Variants in COL16A1 observed in about 807,000 individuals in gnomAD.
The protein encoded by COL16A1 is collagen alpha-1(XVI) chain.
Under a neutral mutation model 266.3 loss-of-function variants are expected in COL16A1, and 189 were observed. The observed-to-expected ratio is 0.71, with a 90% confidence interval of 0.63 to 0.80. COL16A1 has a LOEUF of 0.80. Among genes scored for constraint, COL16A1 ranks in the 30% least tolerant of loss-of-function variants. The pLI, the probability that COL16A1 is intolerant of heterozygous loss-of-function variation, is 0.00. For synonymous variants in COL16A1, 740 were observed against 782.3 expected (o/e 0.95, Z 0.90); for missense variants, 1,928 against 2,122.4 (o/e 0.91, Z 1.80).
intron 52 of COL16A1, among the ~76,000 whole-genome samples, chr1:31,667,326 G>A (rs1196528861): frequency 6.6e-6 from 1 of 152,210 alleles, no homozygotes; most frequent in Non-Finnish European, 1.5e-5. Flanking sequence ...TATAATCCCA[G>A]GTCCTCCTTT....
At chr1:31,661,861 A>G in intron 58 of COL16A1, 157 bp from the exon 59 acceptor site, 1 of 764,496 alleles carries the variant, frequency 1.3e-6, no homozygotes, top group South Asian at 1.9e-5. Context: ...GTGGATCCTC[A>G]GTGACTTCCA....
Position 31,685,521 on chromosome 1 carries a change from ACCCTC to A in COL16A1, c.2016+113_2016+117del. 3.6e-6 allele frequency: 4 copies of A among 1,100,532 alleles called. No homozygotes were observed. Among genetic ancestry groups the A allele is most frequent in the Non-Finnish European group, 5.2e-6 (4 of 764,398 alleles). The allele number at this position is 1,100,532 out of a possible 1,614,324, so 68.2% of individuals were successfully genotyped here. ...GAGACAGAGGCTCTGACCCCGCCACACCCTCCCCACTACCCCCAACTGCCCAGGGA... is the reference window on the plus strand; with the variant it reads ...GAGACAGAGGCTCTGACCCCGCCACACCCACTACCCCCAACTGCCCAGGGA... On this transcript the variant is annotated intron_variant, in intron 29 of 70. Coordinates refer to ENST00000373672, the MANE Select transcript of COL16A1 (RefSeq NM_001856.4). The surrounding 1 kb of genome is among the most constrained non-coding windows in gnomAD (Gnocchi z 4.0).
intron 55 of COL16A1, 104 bp downstream of exon 55, chr1:31,665,479 C>T: frequency 1.3e-6 from 2 of 1,599,964 alleles, no homozygotes; most frequent in African/African-American, 1.3e-5. Context: ...CTGCCTCTCC[C>T]CTCTTCTCCC....
At position 31,688,861 on chromosome 1, in the gene COL16A1, C is replaced by A. The variant is rs762724899; in HGVS notation, c.1767G>T (p.Pro589=). 6.2e-7 allele frequency: 1 copy of A among 1,612,792 alleles called. No individual in the cohort carries two copies. The part of the protein sequence containing the change: ...GSPGFGLPGL[P]GRAGVPGLKG... ...GGGCTGGGAGAAAGTCGTCACTCAC[C>A]GGAAGGCCAGGCAGACCAAAGCCAG... Residue 589 remains proline (P), a splice_region_variant and synonymous_variant, in exon 25 of 71, where the codon CCG becomes CCT. Coordinates refer to ENST00000373672, the MANE Select transcript of COL16A1 (RefSeq NM_001856.4). This position sits in a 1 kb window ranked among gnomAD's most constrained non-coding sequence, Gnocchi z 4.9.
intron 39 of COL16A1, 140 bp downstream of exon 39, chr1:31,680,765 G>A: frequency 6.5e-7 from 1 of 1,530,568 alleles, no homozygotes; most frequent in Admixed American, 1.8e-5. Flanking sequence ...GTCCAAGGCA[G>A]CTTCATGTGC....
chr1:31,701,924 AGG>A (rs1188175039), intron 2 of COL16A1, among the ~76,000 whole-genome samples, 195 bp downstream of exon 2: 1 of 152,112 alleles, frequency 6.6e-6, no homozygotes, highest in Non-Finnish European at 1.5e-5. Context: ...ACGAAGACAC[AGG>A]CACACACACT....
chr1:31,701,329 C>T lies in COL16A1; in HGVS notation c.73+792G>A, dbSNP rs113975280. On this transcript the variant is annotated intron_variant, in intron 2 of 70. Coordinates refer to ENST00000373672, the MANE Select transcript of COL16A1 (RefSeq NM_001856.4). ...GTGAGGGAGAGGAGAGCAAAGCTCACGCACACACAAGCAGAAACACATATG... is the reference window on the plus strand; with the variant it reads ...GTGAGGGAGAGGAGAGCAAAGCTCATGCACACACAAGCAGAAACACATATG... The T allele has an allele frequency of 1.1e-3, 1,089 of 985,396 alleles. 10 individuals are homozygous for T. The African/African-American group carries it at 0.017, about 16-fold the overall frequency. 61.0% of individuals were successfully genotyped at this position (985,396 alleles called of 1,614,324 possible). A position where few individuals can be genotyped will look rare whatever the true frequency, so the allele number is the denominator to read the frequency against.
rs367557549 is a variant in COL16A1 at position 31,699,765 on chromosome 1, G to A, written c.266+48C>T. ...CCCACATCTGGAGTTGCTGAGGAGT[G>A]TGGCTGAGGTCAGTGTTGATTCTCA... On this transcript the variant is annotated intron_variant, in intron 4 of 70. Transcript: ENST00000373672. 5.6e-5 allele frequency: 67 copies of A among 1,205,626 alleles called. No homozygotes were observed. In the African/African-American group the frequency reaches 8.0e-4, roughly 14 times the overall value. The allele number at this position is 1,205,626 out of a possible 1,614,324, so 74.7% of individuals were successfully genotyped here. A position where few individuals can be genotyped will look rare whatever the true frequency, so the allele number is the denominator to read the frequency against.
chr1:31,688,717 G>A lies in COL16A1; in HGVS notation c.1767+144C>T. The A allele has an allele frequency of 9.3e-7, 1 of 1,070,832 alleles. No individual in the cohort carries two copies. The highest frequency in any genetic ancestry group is 2.1e-4 in the Middle Eastern group (1 of 4,816). 66.3% of individuals were successfully genotyped at this position (1,070,832 alleles called of 1,614,324 possible). A position where few individuals can be genotyped will look rare whatever the true frequency, so the allele number is the denominator to read the frequency against. On this transcript the variant is annotated intron_variant, in intron 25 of 70. Coordinates refer to ENST00000373672, the MANE Select transcript of COL16A1 (RefSeq NM_001856.4). This position sits in a 1 kb window ranked among gnomAD's most constrained non-coding sequence, Gnocchi z 4.9. ...GGGGCAGCACAGGGACGGAGGGAGG[G>A]ACCAGGAGACAGGCCTGGGACACCT...
chr1:31,696,584 G>A (rs74714127), intron 8 of COL16A1, among the ~76,000 whole-genome samples: 4,340 of 152,326 alleles, frequency 0.028, 147 homozygotes, highest in African/African-American at 0.085. Context: ...GCCATCCCTG[G>A]GGGGAAGCAG....
intron 2 of COL16A1, among the ~76,000 whole-genome samples, chr1:31,701,756 C>T (rs1243215684): frequency 6.6e-6 from 1 of 152,122 alleles, no homozygotes; most frequent in Non-Finnish European, 1.5e-5. Flanking sequence ...CTGCCTGTTC[C>T]TCCCCACCCC....
In COL16A1 at chr1:31,698,236, GT is replaced by G. The variant is rs1644583364; in HGVS notation, c.391-65del. On this transcript the variant is annotated intron_variant, in intron 5 of 70. Transcript: ENST00000373672. The surrounding 1 kb of genome is among the most constrained non-coding windows in gnomAD (Gnocchi z 4.1). ...AGCTCCAGAGTCACACCATGGGCAC[GT>G]TCAGGGACCTTGAACTCATTTCACA... 3.8e-6 allele frequency: 6 copies of G among 1,592,426 alleles called. No individual in the cohort carries two copies. Among genetic ancestry groups the G allele is most frequent in the Non-Finnish European group, 3.4e-6 (4 of 1,168,926 alleles).
At chr1:31,679,882 G>A (rs769025890) in intron 40 of COL16A1, 31 bp from the exon 41 acceptor site, 1 of 1,503,588 alleles carries the variant, frequency 6.7e-7, no homozygotes, top group Non-Finnish European at 8.9e-7. Context: ...CAAAAGAAGG[G>A]GAGAGGTTAT....
chr1:31,665,473 C>T (rs1570392982), intron 55 of COL16A1, 110 bp downstream of exon 55: 2 of 1,593,538 alleles, frequency 1.3e-6, no homozygotes, highest in Non-Finnish European at 1.7e-6. Flanking sequence ...TCTCCCCTGC[C>T]TCTCCCCTCT....
rs980900305 is a variant in COL16A1 at position 31,657,195 on chromosome 1, C to T, written c.4021-127G>A. On this transcript the variant is annotated intron_variant, in intron 64 of 70. Transcript: ENST00000373672. The surrounding 1 kb of genome is among the most constrained non-coding windows in gnomAD (Gnocchi z 6.4). ...AGAGGCCACGATCCTCCAGCCCTCA[C>T]CCTCTGACAATCTGGGCACAGGCCG... is the stretch of plus-strand genomic sequence containing the variant. 8.4e-7 allele frequency: 1 copy of T among 1,188,630 alleles called. No individual in the cohort carries two copies. The highest frequency in any genetic ancestry group is 1.2e-6 in the Non-Finnish European group (1 of 806,504). 73.6% of individuals were successfully genotyped at this position (1,188,630 alleles called of 1,614,324 possible). A position where few individuals can be genotyped will look rare whatever the true frequency, so the allele number is the denominator to read the frequency against.
In COL16A1 at chr1:31,694,143, C is replaced by T; in HGVS notation, c.1008+1G>A. 1.3e-6 allele frequency: 2 copies of T among 1,599,876 alleles called. No homozygotes were observed. Among genetic ancestry groups the T allele is most frequent in the Non-Finnish European group, 1.7e-6 (2 of 1,170,648 alleles). ...ATGTCCCGTTCTCCATTAGGACTCA[C>T]CTTGGGGCCAGAGGGAGCAAGTGTG... On this transcript the variant is annotated splice_donor_variant, in intron 12 of 70. Transcript: ENST00000373672. LOFTEE classifies it high-confidence loss of function.
intron 23 of COL16A1, chr1:31,689,539 G>T: frequency 1.7e-6 from 1 of 601,036 alleles, no homozygotes; most frequent in Non-Finnish European, 3.0e-6. Flanking sequence ...TTGCCATGGA[G>T]ACCGGAGGTG....
At chr1:31,660,501 A>G in intron 62 of COL16A1, 84 bp downstream of exon 62, 1 of 1,553,012 alleles carries the variant, frequency 6.4e-7, no homozygotes, top group Admixed American at 1.8e-5. Context: ...AAGTTCTCTC[A>G]GGTCATGACA....
chr1:31,658,824 C>T (rs1641394784), intron 63 of COL16A1, 90 bp downstream of exon 63: 3 of 1,432,440 alleles, frequency 2.1e-6, no homozygotes, highest in Non-Finnish European at 2.9e-6. Flanking sequence ...ACAAACTGTT[C>T]TCCATCCCCC....
Sources: allele counts gnomAD v4.1 joint callset (sites outside exome capture counted in the v4.1 genomes callset), GRCh38; gene constraint gnomAD v4.1.1; non-coding constraint Gnocchi (gnomAD v3.1); transcripts MANE v1.5; gene names NCBI Gene and HGNC (gene_info 2026-07-23, HGNC 2026-07-21).